Variants in RBFOX1 observed in about 807,000 individuals in gnomAD.
RBFOX1 encodes the protein RNA binding protein fox-1 homolog 1.
In RBFOX1, 8 loss-of-function variants were observed where a neutral mutation model predicts 57.7. The observed-to-expected ratio is 0.14, with a 90% CI of 0.08 to 0.25. The LOEUF (loss-of-function observed/expected upper bound fraction) is 0.25. Among genes scored for constraint, RBFOX1 ranks in the 10% least tolerant of loss-of-function variants. The pLI, the probability that RBFOX1 is intolerant of heterozygous loss-of-function variation, is 1.00. For synonymous variants in RBFOX1, 326 were observed against 222.4 expected, an observed-to-expected ratio of 1.47 and a Z score of -4.15; for missense variants, 611 against 548.5, an observed-to-expected ratio of 1.11 and a Z score of -1.14.
At chr16:7,579,592 A>C (rs1362290484) in intron 5 of RBFOX1, among the ~76,000 whole-genome samples, 185 bp from the exon 6 acceptor site, 1 of 152,178 alleles carries the variant, frequency 6.6e-6, no homozygotes. Context: ...ATTCATAATG[A>C]GCACCCAGTG....
intron 1 of RBFOX1, among the ~76,000 whole-genome samples, chr16:5,299,850 G>T (rs1305159298): frequency 6.6e-6 from 1 of 151,964 alleles, no homozygotes; most frequent in East Asian, 1.9e-4. Context: ...GGGATAATGG[G>T]TATCCTTGTC....
chr16:6,364,536 T>C (rs780283098), intron 2 of RBFOX1, among the ~76,000 whole-genome samples: 4 of 152,176 alleles, frequency 2.6e-5, no homozygotes, highest in African/African-American at 7.2e-5. Context: ...TGGCCATTTT[T>C]CCCCAGCGGT....
chr16:6,539,806 G>GACAGACACACACACACACACACACACAC (rs2096786906), intron 2 of RBFOX1, among the ~76,000 whole-genome samples: 1 of 136,234 alleles, frequency 7.3e-6, no homozygotes, highest in South Asian at 2.6e-4. Flanking sequence ...TCAAAACACA[G>GACAGACACACACACACACACACACACAC]ACACACACAC....
In RBFOX1 at chr16:6,641,734, C is replaced by CAAAAAA. The variant is rs869202831; in HGVS notation, c.-63-12830_-63-12825dup. On this transcript the variant is annotated intron_variant, in intron 2 of 15. Coordinates refer to ENST00000550418, the MANE Select transcript of RBFOX1 (RefSeq NM_018723.4). ...TGGGTGACAGAGCAGGACTCCGTCTCAAAAAAAAAAAAAAAAAAAAAAAAA... is the reference window on the plus strand; with the variant it reads ...TGGGTGACAGAGCAGGACTCCGTCTCAAAAAAAAAAAAAAAAAAAAAAAAAAAAAAA... 1.1e-3 allele frequency among the ~76,000 whole-genome samples: 73 copies of CAAAAAA among 68,894 alleles called. 2 individuals are homozygous for CAAAAAA. The highest frequency in any genetic ancestry group is 1.5e-3 in the African/African-American group (23 of 15,736). 45.2% of individuals were successfully genotyped at this position (68,894 alleles called of 152,430 possible). A position where few individuals can be genotyped will look rare whatever the true frequency, so the allele number is the denominator to read the frequency against.
chr16:6,971,846 A>C (rs1431077700), intron 3 of RBFOX1, among the ~76,000 whole-genome samples: 2 of 152,054 alleles, frequency 1.3e-5, no homozygotes, highest in Non-Finnish European at 2.9e-5. Flanking sequence ...GAAGTGTCTG[A>C]TGGAAGAGTC....
At chr16:6,321,606 C>G (rs2081803704) in intron 2 of RBFOX1, among the ~76,000 whole-genome samples, 1 of 152,216 alleles carries the variant, frequency 6.6e-6, no homozygotes, top group African/African-American at 2.4e-5. Flanking sequence ...TATATCACCT[C>G]TGATTATTTC....
intron 2 of RBFOX1, among the ~76,000 whole-genome samples, chr16:5,534,427 G>A (rs2151042601): frequency 6.6e-6 from 1 of 152,260 alleles, no homozygotes; most frequent in African/African-American, 2.4e-5. Context: ...TCAAAAGCAT[G>A]GAAGCCAACA....
intron 4 of RBFOX1, among the ~76,000 whole-genome samples, chr16:7,485,560 C>A (rs561368793): frequency 6.6e-6 from 1 of 152,268 alleles, no homozygotes; most frequent in East Asian, 1.9e-4. Context: ...TGAAGCAGTT[C>A]TCAACCCCCA....
At chr16:6,700,909 G>A (rs751564632) in intron 3 of RBFOX1, among the ~76,000 whole-genome samples, 4 of 151,988 alleles carry the variant, frequency 2.6e-5, no homozygotes, top group Non-Finnish European at 5.9e-5. Context: ...TGCTAGTCAC[G>A]TCCTCGGACT....
intron 4 of RBFOX1, among the ~76,000 whole-genome samples, chr16:7,174,689 A>G (rs1290387820): frequency 6.6e-6 from 1 of 152,232 alleles, no homozygotes; most frequent in Non-Finnish European, 1.5e-5. Context: ...CTGAGGCAGG[A>G]GAATCACTTG....
At chr16:7,345,770 G>C (rs1008068964) in intron 4 of RBFOX1, among the ~76,000 whole-genome samples, 4 of 152,008 alleles carry the variant, frequency 2.6e-5, no homozygotes, top group African/African-American at 9.7e-5. Flanking sequence ...TGTGGGATTT[G>C]GGTTAGAGAC....
intron 3 of RBFOX1, among the ~76,000 whole-genome samples, chr16:5,615,541 A>G (rs530934684): frequency 1.3e-5 from 2 of 152,354 alleles, no homozygotes; most frequent in East Asian, 3.9e-4. Context: ...TATTTTGACA[A>G]GGCAGCTGGC....
chr16:5,584,020 A>C (rs1166251016), intron 2 of RBFOX1, among the ~76,000 whole-genome samples: 1 of 152,104 alleles, frequency 6.6e-6, no homozygotes, highest in East Asian at 1.9e-4. Flanking sequence ...CCCTCTAATC[A>C]GCCTGCCTAG....
chr16:6,947,298 T>C (rs566280415), intron 3 of RBFOX1, among the ~76,000 whole-genome samples: 22 of 152,252 alleles, frequency 1.4e-4, no homozygotes, highest in African/African-American at 5.3e-4. Flanking sequence ...AGGTCACCCT[T>C]CCCACAGGTA....
intron 4 of RBFOX1, among the ~76,000 whole-genome samples, chr16:7,254,595 A>G (rs1240084242): frequency 6.6e-6 from 1 of 152,120 alleles, no homozygotes; most frequent in Non-Finnish European, 1.5e-5. Flanking sequence ...TCCCAGGTAT[A>G]TAATCCTCTC....
intron 2 of RBFOX1, among the ~76,000 whole-genome samples, chr16:6,522,947 A>C (rs549868896): frequency 6.6e-6 from 1 of 152,022 alleles, no homozygotes; most frequent in African/African-American, 2.4e-5. Flanking sequence ...TGGCTTTGGG[A>C]TGTTGTCCAG....
At chr16:7,706,437 C>G (rs961554279) in intron 14 of RBFOX1, among the ~76,000 whole-genome samples, 8 of 152,134 alleles carry the variant, frequency 5.3e-5, no homozygotes, top group South Asian at 2.1e-4. Flanking sequence ...TGAAACTATG[C>G]CCAGCGTTAT....
At chr16:6,124,413 G>A (rs562343717) in intron 1 of RBFOX1, among the ~76,000 whole-genome samples, 2 of 152,234 alleles carry the variant, frequency 1.3e-5, no homozygotes, top group South Asian at 4.1e-4. Flanking sequence ...TAATGTAAAT[G>A]AGCCTAAGAT....
intron 1 of RBFOX1, among the ~76,000 whole-genome samples, chr16:6,103,974 T>A (rs965067688): frequency 1.3e-5 from 2 of 152,194 alleles, no homozygotes; most frequent in African/African-American, 4.8e-5. Context: ...GCCTCTGTGG[T>A]CTCAGCTTAT....
Sources: allele counts gnomAD v4.1 joint callset (sites outside exome capture counted in the v4.1 genomes callset), GRCh38; gene constraint gnomAD v4.1.1; transcripts MANE v1.5; gene names NCBI Gene and HGNC (gene_info 2026-07-23, HGNC 2026-07-21).